Variants in HMGCLL1 observed in about 807,000 individuals in gnomAD.
HMGCLL1 encodes 3-hydroxy-3-methylglutaryl-CoA lyase like 1.
HMGCLL1 carries 36 observed loss-of-function variants against 39.1 expected under a neutral mutation model. That is an observed-to-expected ratio of 0.92 (90% CI 0.71 to 1.22). The LOEUF is 1.22. Among genes scored for constraint, HMGCLL1 ranks in the 50% most tolerant of loss-of-function variants. The pLI is 0.00. For synonymous variants in HMGCLL1, 149 were observed against 144.0 expected (o/e 1.03, Z -0.25); for missense variants, 451 against 416.5 (o/e 1.08, Z -0.72).
rs1764163141 is a variant in HMGCLL1 at position 55,452,898 on chromosome 6, T to C, written c.796-13339A>G. Among the ~76,000 whole-genome samples, 3 of 152,182 alleles carry C rather than the reference T, an allele frequency of 2.0e-5. No homozygotes were observed. The South Asian group carries it at 6.2e-4, about 32-fold the overall frequency. On this transcript the variant is annotated intron_variant, in intron 7 of 8. Coordinates refer to ENST00000274901, the MANE Select transcript of HMGCLL1 (RefSeq NM_001042406.2). The stretch of plus-strand genomic sequence containing the variant: ...AAGAACTTTAATACAAAGTAGAATG[T>C]CATAGCTATTATGAGAATTATAAAC...
the HMGCLL1 span, among the ~76,000 whole-genome samples, chr6:55,607,031 A>G: frequency 3.3e-5 from 5 of 152,244 alleles, no homozygotes; most frequent in African/African-American, 1.2e-4. Flanking sequence ...TTTTTAAGCA[A>G]TTAAGTTTTT....
intron 1 of HMGCLL1, among the ~76,000 whole-genome samples, chr6:55,543,539 T>C (rs1250129160): frequency 3.1e-5 from 4 of 129,430 alleles, no homozygotes; most frequent in Admixed American, 1.8e-4. Context: ...TGTGTATATA[T>C]ATATTTACAT....
the HMGCLL1 span, among the ~76,000 whole-genome samples, chr6:55,617,595 A>T: frequency 6.6e-6 from 1 of 152,136 alleles, no homozygotes; most frequent in Non-Finnish European, 1.5e-5. Flanking sequence ...TTTTACAAAA[A>T]TCAAATCTGA....
intron 5 of HMGCLL1, among the ~76,000 whole-genome samples, chr6:55,504,333 T>C (rs1314405769): frequency 6.6e-6 from 1 of 151,732 alleles, no homozygotes; most frequent in Non-Finnish European, 1.5e-5. Flanking sequence ...GAAGTTTCTC[T>C]AAATCACCCC....
At chr6:55,564,004 G>C in intron 1 of HMGCLL1, 3 of 541,374 alleles carry the variant, frequency 5.5e-6, no homozygotes, top group Non-Finnish European at 9.8e-6. Flanking sequence ...TTTTTGAAAT[G>C]CTAAGCAGAA....
chr6:55,526,739 T>A (rs1227877877), intron 3 of HMGCLL1, among the ~76,000 whole-genome samples: 2 of 152,028 alleles, frequency 1.3e-5, no homozygotes, highest in African/African-American at 4.8e-5. Flanking sequence ...TTATGTGGTA[T>A]CCTTTTACAA....
chr6:55,600,218 T>G, the HMGCLL1 span, among the ~76,000 whole-genome samples: 1 of 152,166 alleles, frequency 6.6e-6, no homozygotes, highest in Non-Finnish European at 1.5e-5. Context: ...TTAAATCCAT[T>G]AAGTGAAGTC....
chr6:55,570,966 A>T (rs542585796), intron 1 of HMGCLL1, among the ~76,000 whole-genome samples: 134 of 152,316 alleles, frequency 8.8e-4, no homozygotes, highest in East Asian at 4.8e-3. Context: ...CGAAAGGGGA[A>T]ACCCCTTATA....
At chr6:55,531,050 C>T (rs1022189033) in intron 3 of HMGCLL1, among the ~76,000 whole-genome samples, 5 of 152,172 alleles carry the variant, frequency 3.3e-5, no homozygotes, top group South Asian at 2.1e-4. Flanking sequence ...ATCCAGACTA[C>T]GCTTAATATC....
chr6:55,606,812 C>A, the HMGCLL1 span, among the ~76,000 whole-genome samples: 2 of 151,930 alleles, frequency 1.3e-5, no homozygotes, highest in African/African-American at 4.8e-5. Context: ...ATCCTGGATT[C>A]CCAGGTGGGC....
intron 5 of HMGCLL1, among the ~76,000 whole-genome samples, chr6:55,503,202 C>A (rs547115036): frequency 6.6e-6 from 1 of 151,888 alleles, no homozygotes; most frequent in East Asian, 1.9e-4. Flanking sequence ...ACCTTAATTT[C>A]TTAATTTGGG....
chr6:55,654,076 G>A, the HMGCLL1 span, among the ~76,000 whole-genome samples: 2 of 151,918 alleles, frequency 1.3e-5, no homozygotes, highest in African/African-American at 2.4e-5. Context: ...ATCATCATTT[G>A]AGTATCAGCT....
At chr6:55,596,303 G>T in the HMGCLL1 span, among the ~76,000 whole-genome samples, 1 of 152,106 alleles carries the variant, frequency 6.6e-6, no homozygotes, top group African/African-American at 2.4e-5. Flanking sequence ...CTCCAGCCTG[G>T]GTGACAGCAG....
At chr6:55,456,277 T>C (rs1448901775) in intron 7 of HMGCLL1, among the ~76,000 whole-genome samples, 1 of 152,242 alleles carries the variant, frequency 6.6e-6, no homozygotes, top group Admixed American at 6.5e-5. Context: ...CTGTGTAAAC[T>C]GTAACATATT....
At chr6:55,578,226 T>C (rs1409526054) in intron 1 of HMGCLL1, among the ~76,000 whole-genome samples, 1 of 152,210 alleles carries the variant, frequency 6.6e-6, no homozygotes, top group African/African-American at 2.4e-5. Context: ...ATCAGTTATT[T>C]AATATTTTGT....
chr6:55,572,135 A>G (rs763186367), intron 1 of HMGCLL1, among the ~76,000 whole-genome samples: 8 of 152,298 alleles, frequency 5.3e-5, no homozygotes, highest in Non-Finnish European at 8.8e-5. Context: ...ACAAGCCTAC[A>G]AGATACTTCT....
intron 7 of HMGCLL1, 74 bp from the exon 8 acceptor site, chr6:55,439,633 T>C (rs1348325935): frequency 3.9e-6 from 6 of 1,527,200 alleles, no homozygotes; most frequent in Middle Eastern, 3.5e-4. Context: ...ATTTAACCTA[T>C]GGTAAACTGC....
chr6:55,443,182 G>A lies in HMGCLL1; in HGVS notation c.796-3623C>T, dbSNP rs147075335. Among the ~76,000 whole-genome samples, 317 of 152,106 alleles carry A rather than the reference G, an allele frequency of 2.1e-3. 2 individuals carry two copies. The highest frequency in any genetic ancestry group is 3.5e-3 in the Admixed American group (53 of 15,248). On this transcript the variant is annotated intron_variant, in intron 7 of 8. Coordinates refer to ENST00000274901, the MANE Select transcript of HMGCLL1 (RefSeq NM_001042406.2). ...TCTATCTCACCCTTTATCAATCCGG[G>A]GTATGGGTCAGCTTTAACTTTAGAG...
intron 7 of HMGCLL1, among the ~76,000 whole-genome samples, chr6:55,447,452 C>T (rs1193572914): frequency 4.6e-5 from 7 of 151,910 alleles, no homozygotes; most frequent in African/African-American, 7.2e-5. Flanking sequence ...AATAATTAGA[C>T]TTCTCATCTT....
Sources: gnomAD v4.1 joint callset for allele counts (sites outside exome capture counted in the v4.1 genomes callset) on GRCh38, gnomAD v4.1.1 for gene constraint, MANE v1.5 for transcripts, NCBI Gene and HGNC (gene_info 2026-07-23, HGNC 2026-07-21) for gene names.